Variants in ARHGAP9 observed in about 807,000 individuals in gnomAD.
The protein encoded by ARHGAP9 is Rho GTPase activating protein 9.
In ARHGAP9, 76 loss-of-function variants were observed where a neutral mutation model predicts 87.3. The observed-to-expected ratio is 0.87, with a 90% CI of 0.72 to 1.05. ARHGAP9 has a LOEUF of 1.05. Ranked by LOEUF, ARHGAP9 falls within the 50% of genes least tolerant of loss-of-function variation. The probability of loss-of-function intolerance (pLI) is 0.00; values close to 1 mark genes in which losing one functional copy is unlikely to be tolerated. For missense variants in ARHGAP9, 941 were observed against 960.5 expected (o/e 0.98, Z 0.27); for synonymous variants, 382 against 394.9 (o/e 0.97, Z 0.39).
chr12:57,478,633 A>C lies in ARHGAP9; in HGVS notation c.441T>G (p.Asn147Lys). The change falls in exon 3 of 18, where the codon AAT becomes AAG. Residue 147 changes from asparagine to lysine, a missense_variant. By Grantham distance (94) the Asn-to-Lys change is moderately conservative (BLOSUM62 0). Coordinates refer to ENST00000393791, the MANE Select transcript of ARHGAP9 (RefSeq NM_032496.4). ...AAGGCTTCAGAAGGCTGGGGCTCAG[A>C]TTGTCAGTGCTGACGCTCCTACACA... ...RKMCRSVSTD[N>K]LSPSLLKPFQ... 2 of 1,613,964 alleles carry C rather than the reference A, an allele frequency of 1.2e-6. No individual in the cohort carries two copies. Among genetic ancestry groups the C allele is most frequent in the Non-Finnish European group, 1.7e-6 (2 of 1,179,992 alleles).
At chr12:57,477,340 T>TA in intron 4 of ARHGAP9, 71 bp from the exon 5 acceptor site, 1 of 1,514,164 alleles carries the variant, frequency 6.6e-7, no homozygotes, top group Non-Finnish European at 9.0e-7. Flanking sequence ...ACCCTTCTTA[T>TA]ACTTGGCTGA....
At chr12:57,474,573 G>A (rs1277231930) in intron 14 of ARHGAP9, 53 bp downstream of exon 14, 15 of 1,613,180 alleles carry the variant, frequency 9.3e-6, no homozygotes, top group Admixed American at 1.7e-5. Flanking sequence ...GACCGCCCAT[G>A]GTTCTCAGGC....
chr12:57,484,316 C>A (rs1283544169), upstream of ARHGAP9, among the ~76,000 whole-genome samples: 1 of 149,530 alleles, frequency 6.7e-6, no homozygotes, highest in Non-Finnish European at 1.5e-5. Context: ...TGCGCCATTG[C>A]ACTCCAGCCT....
At position 57,472,468 on chromosome 12, in the gene ARHGAP9, C is replaced by T; in HGVS notation, c.*49G>A. On this transcript the variant is annotated 3_prime_UTR_variant, in exon 18 of 18. Coordinates refer to ENST00000393791, the MANE Select transcript of ARHGAP9 (RefSeq NM_032496.4). ...TCCTCAAAACAGAACACCAGCCTCT[C>T]ACCACCAGAGATGACCGGAAATATG... The T allele has an allele frequency of 1.3e-6, 2 of 1,588,094 alleles. No homozygotes were observed. Among genetic ancestry groups the T allele is most frequent in the Non-Finnish European group, 8.6e-7 (1 of 1,166,474 alleles).
At chr12:57,475,956 C>A in intron 9 of ARHGAP9, 25 bp from the exon 10 acceptor site, 1 of 1,602,376 alleles carries the variant, frequency 6.2e-7, no homozygotes, top group Non-Finnish European at 8.5e-7. Context: ...AGGAAACGCT[C>A]GGGTCAACGG....
Position 57,476,132 on chromosome 12 carries a change from T to G in ARHGAP9, c.1151A>C (p.Asp384Ala). Residue 384 changes from aspartate (D) to alanine (A), a missense_variant, in exon 9 of 18, where the codon GAC becomes GCC. Asp to Ala is a moderately radical substitution (Grantham distance 126, BLOSUM62 -2). Transcript: ENST00000393791. ...GTGCGCCAGGGCCGCCCCGCGCAGG[T>G]CCACGCTACTTTCGGGCCGGCTACC... ...PAGSRPESSV[D>A]LRGAALAHGR... is the part of the protein sequence containing the mutation. 2 of 1,543,184 alleles carry G rather than the reference T, an allele frequency of 1.3e-6. No individual in the cohort carries two copies. The highest frequency in any genetic ancestry group is 1.7e-6 in the Non-Finnish European group (2 of 1,144,090).
chr12:57,488,386 C>T (rs1462629179), intron 1 of ARHGAP9: 12 of 720,504 alleles, frequency 1.7e-5, no homozygotes, highest in Non-Finnish European at 2.7e-5. Context: ...CTTTAATTAC[C>T]CTCAATATAA....
chr12:57,474,527 T>C, intron 14 of ARHGAP9, 51 bp from the exon 15 acceptor site: 1 of 1,613,616 alleles, frequency 6.2e-7, no homozygotes, highest in Non-Finnish European at 8.5e-7. Context: ...ACTTCCAGCC[T>C]GACGGCCTCT....
At chr12:57,473,903 G>T in intron 16 of ARHGAP9, 139 bp downstream of exon 16, 4 of 1,369,072 alleles carry the variant, frequency 2.9e-6, no homozygotes, top group Middle Eastern at 2.6e-4. Context: ...AAAAGCAACT[G>T]GAGTAGGCAC....
At chr12:57,479,467 C>T in intron 1 of ARHGAP9, 43 bp from the exon 2 acceptor site, 2 of 1,570,066 alleles carry the variant, frequency 1.3e-6, no homozygotes, top group Non-Finnish European at 1.7e-6. Flanking sequence ...GGGAATAGGC[C>T]TGGCTGTCTC....
chr12:57,479,361 GCCCTAGGATC>G lies in ARHGAP9; in HGVS notation c.36_45del (p.Ile13TrpfsTer52), dbSNP rs1565629462. 25 of 1,614,002 alleles carry G rather than the reference GCCCTAGGATC, an allele frequency of 1.5e-5. No individual in the cohort carries two copies. Among genetic ancestry groups the G allele is most frequent in the Non-Finnish European group, 1.9e-5 (23 of 1,179,978 alleles). ...CCCCGAGGAGGGCTTCGGGGGCCCA[GCCCTAGGATC>G]CCCCAGGAACTTGGCCACCACCGGC... On this transcript the variant is annotated frameshift_variant, in exon 2 of 18. Transcript: ENST00000393791. LOFTEE classifies it high-confidence loss of function.
At position 57,473,722 on chromosome 12, in the gene ARHGAP9, T is replaced by C. The variant is rs779695829; in HGVS notation, c.1919-14A>G. On this transcript the variant is annotated splice_polypyrimidine_tract_variant and intron_variant, in intron 16 of 17. Coordinates refer to ENST00000393791, the MANE Select transcript of ARHGAP9 (RefSeq NM_032496.4). The stretch of plus-strand genomic sequence containing the variant: ...ATTCGGAGAGTGCTAGAGAGAGTGA[T>C]GGGAAAGGCATGGTAGTAAGGTTAG... 1.9e-6 allele frequency: 3 copies of C among 1,608,778 alleles called. No individual in the cohort carries two copies. In the African/African-American group the frequency reaches 4.0e-5, roughly 22 times the overall value.
chr12:57,479,135 T>C lies in ARHGAP9; in HGVS notation c.272A>G (p.Gln91Arg). The change falls in exon 2 of 18, where the codon CAG (glutamine) becomes CGG (arginine). Residue 91 changes from glutamine to arginine, a missense_variant. Physicochemically the swap from Gln to Arg is conservative, Grantham distance 43. Transcript: ENST00000393791. ...GCCGGGGATGACGGTAGTTGGACTCTGGGAAGGGATGGATTCCTCTATCAT... is the reference window on the plus strand; with the variant it reads ...GCCGGGGATGACGGTAGTTGGACTCCGGGAAGGGATGGATTCCTCTATCAT... ...AYMIEESIPSQSPTTVIPGQL... is the reference protein window; with the variant it reads ...AYMIEESIPSRSPTTVIPGQL... 3.7e-6 allele frequency: 6 copies of C among 1,614,138 alleles called. No homozygotes were observed. In the South Asian group the frequency reaches 6.6e-5, roughly 18 times the overall value.
intron 7 of ARHGAP9, 51 bp downstream of exon 7, chr12:57,476,539 C>T: frequency 6.2e-7 from 1 of 1,613,484 alleles, no homozygotes; most frequent in Non-Finnish European, 8.5e-7. Context: ...ACACCCTGCT[C>T]TACCCTATGG....
intron 1 of ARHGAP9, chr12:57,487,619 C>CG (rs1594803186): frequency 6.3e-6 from 1 of 158,218 alleles, no homozygotes; most frequent in East Asian, 1.9e-4. Flanking sequence ...CAGGCCGAGG[C>CG]GGGCGGATCA....
rs975912647 is a variant in ARHGAP9, at chr12:57,488,074, G to T, written c.-204+538C>A. The T allele has an allele frequency of 5.6e-6, 9 of 1,610,610 alleles. No homozygotes were observed. The Admixed American group carries it at 8.3e-5, about 15-fold the overall frequency. ...GGAGGCCGGTTCCGGTTGCATCAGC[G>T]AGGGATTCACGGCGAAATGAGACTG... On this transcript the variant is annotated intron_variant, in intron 1 of 20. Coordinates refer to the ARHGAP9 transcript ENST00000393797.
rs552855215 is a variant in ARHGAP9 at position 57,474,475 on chromosome 12, C to T, written c.1731G>A (p.Glu577=). 2 of 1,614,208 alleles carry T rather than the reference C, an allele frequency of 1.2e-6. No homozygotes were observed. The highest frequency in any genetic ancestry group is 2.2e-5 in the South Asian group (2 of 91,090). ...VQKLRFLVDR[E]RAVTSDGRYV... is the part of the protein sequence containing the mutation. The stretch of plus-strand genomic sequence containing the variant: ...ACCTCCCATCGGAGGTGACCGCACG[C>T]TCTGCAACATGAATGAGGAGAGATC... Residue 577 remains glutamate, a splice_region_variant and synonymous_variant, in exon 15 of 18, where the codon GAG becomes GAA. Transcript: ENST00000393791.
In ARHGAP9 at chr12:57,475,839, C is replaced by T. The variant is rs370193870; in HGVS notation, c.1305G>A (p.Glu435=). ...GGGCCTCCACCCATCTAACCAGCCGCTCGATGACAGTCCGCAGCGCGCGGT... is the reference window on the plus strand; with the variant it reads ...GGGCCTCCACCCATCTAACCAGCCGTTCGATGACAGTCCGCAGCGCGCGGT... ...AWHRALRTVI[E]RLDRENPLEL... The change falls in exon 10 of 18, where the codon GAG becomes GAA. Residue 435 remains glutamate (E), a synonymous_variant. Coordinates refer to ENST00000393791, the MANE Select transcript of ARHGAP9 (RefSeq NM_032496.4). 19 of 1,613,848 alleles carry T rather than the reference C, an allele frequency of 1.2e-5. No homozygotes were observed. The highest frequency in any genetic ancestry group is 1.6e-4 in the Middle Eastern group (1 of 6,062).
Position 57,476,615 on chromosome 12 carries a change from T to C in ARHGAP9, c.1000A>G (p.Ile334Val). The change falls in exon 7 of 18, where the codon ATT (isoleucine) becomes GTT (valine). Residue 334 changes from isoleucine to valine, a missense_variant. Transcript: ENST00000393791. ...EKSGLLNMTK[I>V]AQGGRKLRKN... is the part of the protein sequence containing the mutation. ...CTGAGCTTGCGCCCCCCTTGGGCAA[T>C]CTTGGTCATGTTGAGCAGACCCGAC... is the stretch of plus-strand genomic sequence containing the variant. 3 of 1,614,116 alleles carry C rather than the reference T, an allele frequency of 1.9e-6. No homozygotes were observed. Among genetic ancestry groups the C allele is most frequent in the Non-Finnish European group, 2.5e-6 (3 of 1,180,002 alleles).
Sources: allele counts gnomAD v4.1 joint callset (sites outside exome capture counted in the v4.1 genomes callset), GRCh38; gene constraint gnomAD v4.1.1; transcripts MANE v1.5; gene names NCBI Gene and HGNC (gene_info 2026-07-23, HGNC 2026-07-21).